LRMDA: variants seen among roughly 807,000 people sequenced by gnomAD.
LRMDA encodes leucine rich melanocyte differentiation associated, also known as leucine-rich melanocyte differentiation-associated protein.
LRMDA carries 18 observed loss-of-function variants against 29.8 expected under a neutral mutation model. The observed-to-expected ratio is 0.60, with a 90% CI of 0.42 to 0.90. LRMDA has a LOEUF of 0.90. Ranked by LOEUF, LRMDA falls within the 40% of genes least tolerant of loss-of-function variation. The pLI, the probability that LRMDA is intolerant of heterozygous loss-of-function variation, is 0.00. For synonymous variants in LRMDA, 125 were observed against 109.4 expected, an observed-to-expected ratio of 1.14 and a Z score of -0.89; for missense variants, 273 against 273.9, an observed-to-expected ratio of 1.00 and a Z score of 0.02.
rs1188742756 is a variant in LRMDA, at chr10:76,558,988, A to G, written c.*1700A>G. 1 of 152,214 alleles carries G rather than the reference A, an allele frequency of 6.6e-6. No individual in the cohort carries two copies. Among genetic ancestry groups the G allele is most frequent in the Admixed American group, 6.5e-5 (1 of 15,278 alleles). 9.4% of individuals were successfully genotyped at this position (152,214 alleles called of 1,614,324 possible). ...TGAGTACCTTTTCTCTGTTTGATCTACAAAACAGCACTGGAAAAATGCTTT... is the reference window on the plus strand; with the variant it reads ...TGAGTACCTTTTCTCTGTTTGATCTGCAAAACAGCACTGGAAAAATGCTTT... On this transcript the variant is annotated 3_prime_UTR_variant, in exon 7 of 7. Coordinates refer to ENST00000611255, the MANE Select transcript of LRMDA (RefSeq NM_001305581.2).
intron 2 of LRMDA, among the ~76,000 whole-genome samples, chr10:75,494,791 G>A (rs946558592): frequency 6.6e-6 from 1 of 152,124 alleles, no homozygotes; most frequent in Non-Finnish European, 1.5e-5. Flanking sequence ...GTGAGCCACC[G>A]TGCCTGGCCT....
intron 2 of LRMDA, among the ~76,000 whole-genome samples, chr10:75,872,626 C>T (rs1006967780): frequency 6.6e-5 from 10 of 152,136 alleles, no homozygotes; most frequent in Non-Finnish European, 1.3e-4. Flanking sequence ...TCTCTGTTCT[C>T]CAAACATGTT....
chr10:76,217,423 G>T (rs1175122665), intron 5 of LRMDA, among the ~76,000 whole-genome samples: 1 of 152,156 alleles, frequency 6.6e-6, no homozygotes, highest in Non-Finnish European at 1.5e-5. Context: ...TTCTTCTTGT[G>T]TGACATGAGT....
intron 5 of LRMDA, among the ~76,000 whole-genome samples, chr10:76,299,891 G>T (rs184885067): frequency 6.6e-6 from 1 of 152,076 alleles, no homozygotes; most frequent in African/African-American, 2.4e-5. Context: ...AGATAAAATC[G>T]GACAATTTGC....
At chr10:76,379,350 G>A (rs1405201305) in intron 6 of LRMDA, among the ~76,000 whole-genome samples, 2 of 151,988 alleles carry the variant, frequency 1.3e-5, no homozygotes, top group Non-Finnish European at 2.9e-5. Flanking sequence ...AATCTGTCTG[G>A]TCGTGGGCAT....
intron 2 of LRMDA, among the ~76,000 whole-genome samples, chr10:75,494,660 C>T (rs562748169): frequency 6.6e-5 from 10 of 151,906 alleles, no homozygotes; most frequent in East Asian, 1.9e-4. Flanking sequence ...GTCACCACAC[C>T]GGGCTAATTT....
chr10:75,982,761 C>T (rs1847194896), intron 2 of LRMDA, among the ~76,000 whole-genome samples: 1 of 152,162 alleles, frequency 6.6e-6, no homozygotes, highest in African/African-American at 2.4e-5. Flanking sequence ...TCTTGCCTTA[C>T]TTTATTCAGA....
rs548494451 is a variant in LRMDA, at chr10:75,575,980, T to C, written c.131+137486T>C. 2.0e-3 allele frequency among the ~76,000 whole-genome samples: 311 copies of C among 151,896 alleles called. 2 individuals are homozygous for C. Among genetic ancestry groups the C allele is most frequent in the Non-Finnish European group, 3.7e-3 (249 of 67,904 alleles). Reference sequence around the variant, plus strand: ...TAGCCACAGGAGTTTTTTTTTTTTTTTCACTCCTCAGTGGCGCCTGGAATG... The same window carrying C: ...TAGCCACAGGAGTTTTTTTTTTTTTCTCACTCCTCAGTGGCGCCTGGAATG... On this transcript the variant is annotated intron_variant, in intron 2 of 6. Coordinates refer to ENST00000611255, the MANE Select transcript of LRMDA (RefSeq NM_001305581.2).
intron 5 of LRMDA, among the ~76,000 whole-genome samples, chr10:76,075,654 C>T (rs1290335316): frequency 6.6e-6 from 1 of 152,126 alleles, no homozygotes; most frequent in African/African-American, 2.4e-5. Context: ...TACTGTAAAC[C>T]CTTGGGCAAG....
In LRMDA at chr10:76,047,152, A is replaced by G. The variant is rs1564638432; in HGVS notation, c.259-12A>G. The G allele has an allele frequency of 5.0e-6, 8 of 1,613,688 alleles. No individual in the cohort carries two copies. Among genetic ancestry groups the G allele is most frequent in the Non-Finnish European group, 5.1e-6 (6 of 1,179,858 alleles). ...TTTGTCTTACTGGACCAAGATTCTTAACCTTTGTCACATCACTGATTTGGA... is the reference window on the plus strand; with the variant it reads ...TTTGTCTTACTGGACCAAGATTCTTGACCTTTGTCACATCACTGATTTGGA... On this transcript the variant is annotated splice_polypyrimidine_tract_variant and intron_variant, in intron 3 of 6. Transcript: ENST00000611255.
intron 2 of LRMDA, among the ~76,000 whole-genome samples, chr10:75,492,322 C>T (rs1489996024): frequency 6.6e-6 from 1 of 152,240 alleles, no homozygotes. Flanking sequence ...TGCGGTTTTG[C>T]TCTGACCCCA....
chr10:76,074,868 TA>T (rs1161244891), intron 5 of LRMDA, among the ~76,000 whole-genome samples: 1 of 152,120 alleles, frequency 6.6e-6, no homozygotes, highest in Non-Finnish European at 1.5e-5. Flanking sequence ...CCCGGTGGTT[TA>T]GTCAGTCTCC....
intron 6 of LRMDA, among the ~76,000 whole-genome samples, chr10:76,338,386 AAATAAATAAAT>A (rs1840995985): frequency 7.4e-6 from 1 of 135,318 alleles, no homozygotes; most frequent in African/African-American, 3.1e-5. Flanking sequence ...ATAAATAAAT[AAATAAATAAAT>A]AATAAATAAA....
chr10:76,404,097 G>C (rs915913509), intron 6 of LRMDA, among the ~76,000 whole-genome samples: 1 of 151,944 alleles, frequency 6.6e-6, no homozygotes, highest in African/African-American at 2.4e-5. Flanking sequence ...ACTAGCACTG[G>C]ACTAAAAAAA....
intron 2 of LRMDA, among the ~76,000 whole-genome samples, chr10:75,800,506 C>T (rs1453178978): frequency 6.6e-6 from 1 of 151,186 alleles, no homozygotes; most frequent in Non-Finnish European, 1.5e-5. Context: ...GGTGCAATCT[C>T]GGCTCACTCA....
intron 5 of LRMDA, among the ~76,000 whole-genome samples, chr10:76,175,308 C>T (rs1428863495): frequency 6.6e-6 from 1 of 152,156 alleles, no homozygotes; most frequent in East Asian, 1.9e-4. Context: ...TGTTACATTT[C>T]TGTTTGTGAG....
At chr10:76,058,932 C>G in intron 5 of LRMDA, 149 bp downstream of exon 5, 1 of 668,230 alleles carries the variant, frequency 1.5e-6, no homozygotes, top group Non-Finnish European at 2.7e-6. Flanking sequence ...GTTGGCCAAA[C>G]ATGAAATAGG....
At chr10:75,968,926 G>A (rs1375713993) in intron 2 of LRMDA, among the ~76,000 whole-genome samples, 1 of 152,090 alleles carries the variant, frequency 6.6e-6, no homozygotes, top group East Asian at 1.9e-4. Flanking sequence ...TATGGGTTTT[G>A]TTTCTGTTTT....
At chr10:75,969,076 G>A (rs181107201) in intron 2 of LRMDA, among the ~76,000 whole-genome samples, 4 of 152,304 alleles carry the variant, frequency 2.6e-5, no homozygotes, top group Admixed American at 1.3e-4. Context: ...GACAGCCACT[G>A]TTGGCTGTTG....
Sources: allele counts gnomAD v4.1 joint callset (sites outside exome capture counted in the v4.1 genomes callset), GRCh38; gene constraint gnomAD v4.1.1; transcripts MANE v1.5; gene names NCBI Gene and HGNC (gene_info 2026-07-23, HGNC 2026-07-21).